DCBLD2: variants seen among roughly 807,000 people sequenced by gnomAD.
DCBLD2 encodes discoidin, CUB and LCCL domain containing 2, also known as discoidin, CUB and LCCL domain-containing protein 2.
DCBLD2 carries 54 observed loss-of-function variants against 86.8 expected under a neutral mutation model. The observed-to-expected ratio is 0.62, with a 90% CI of 0.50 to 0.78. The LOEUF is 0.78. Among genes scored for constraint, DCBLD2 ranks in the 30% least tolerant of loss-of-function variants. DCBLD2 has a pLI of 0.00. For synonymous variants in DCBLD2, 354 were observed against 341.3 expected (o/e 1.04, Z -0.41); for missense variants, 908 against 954.2 (o/e 0.95, Z 0.64).
At chr3:98,864,396 C>T (rs1943102512) in intron 2 of DCBLD2, among the ~76,000 whole-genome samples, 1 of 128,352 alleles carries the variant, frequency 7.8e-6, no homozygotes, top group Admixed American at 8.7e-5. Flanking sequence ...TGTAAAGGCA[C>T]ATGCGCATGT....
At chr3:98,866,551 G>T (rs1404913780) in intron 2 of DCBLD2, among the ~76,000 whole-genome samples, 1 of 152,080 alleles carries the variant, frequency 6.6e-6, no homozygotes, top group African/African-American at 2.4e-5. Flanking sequence ...ACTTGTTGAT[G>T]GGGTTGTTTT....
chr3:98,901,292 C>A lies in DCBLD2; in HGVS notation c.35G>T (p.Cys12Phe), dbSNP rs1409619844. The A allele has an allele frequency of 5.3e-6, 8 of 1,517,856 alleles. No individual in the cohort carries two copies. The East Asian group carries it at 1.7e-4, about 33-fold the overall frequency. 94.0% of individuals were successfully genotyped at this position (1,517,856 alleles called of 1,614,324 possible). ...ASRAVVRARR[C>F]PQCPQVRAAA... is the part of the protein sequence containing the mutation. Reference sequence around the variant, plus strand: ...GGCCCGGACTTGGGGACACTGCGGGCAGCGCCTGGCTCTCACCACCGCCCG... The same window carrying A: ...GGCCCGGACTTGGGGACACTGCGGGAAGCGCCTGGCTCTCACCACCGCCCG... The change falls in exon 1 of 16, where the codon TGC (cysteine) becomes TTC (phenylalanine). Residue 12 changes from cysteine (C) to phenylalanine (F), a missense_variant. By Grantham distance (205) the Cys-to-Phe change is radical (BLOSUM62 -2). Transcript: ENST00000326840.
chr3:98,814,587 T>C (rs905023132), intron 9 of DCBLD2: 3 of 152,154 alleles, frequency 2.0e-5, no homozygotes, highest in Non-Finnish European at 4.4e-5. Context: ...GAAAGTGATA[T>C]ATTATGAAAA....
At chr3:98,881,824 A>G (rs1223045693) in intron 1 of DCBLD2, 57 bp from the exon 2 acceptor site, 3 of 1,522,486 alleles carry the variant, frequency 2.0e-6, no homozygotes, top group Non-Finnish European at 2.7e-6. Context: ...CTTCCTCTAT[A>G]ATGATTTTTT....
chr3:98,898,999 C>A (rs1004496433), intron 1 of DCBLD2, among the ~76,000 whole-genome samples: 4 of 151,582 alleles, frequency 2.6e-5, no homozygotes, highest in Non-Finnish European at 5.9e-5. Context: ...TGCATGCTCA[C>A]CTTAATGATG....
At chr3:98,877,168 A>G (rs1271222053) in intron 2 of DCBLD2, among the ~76,000 whole-genome samples, 1 of 152,226 alleles carries the variant, frequency 6.6e-6, no homozygotes, top group African/African-American at 2.4e-5. Context: ...CAAAAGAGAA[A>G]GAAAACCAAC....
At chr3:98,839,102 C>CTTCTCT (rs1553726957) in intron 3 of DCBLD2, among the ~76,000 whole-genome samples, 1 of 125,944 alleles carries the variant, frequency 7.9e-6, no homozygotes, top group Middle Eastern at 3.8e-3. Context: ...CCTGTGCTCC[C>CTTCTCT]TTCTTTCTTT....
intron 2 of DCBLD2, among the ~76,000 whole-genome samples, chr3:98,855,077 A>G (rs1049234186): frequency 9.9e-5 from 15 of 152,234 alleles, no homozygotes; most frequent in African/African-American, 3.4e-4. Context: ...GCAATGGAGA[A>G]GATACATTTA....
intron 1 of DCBLD2, among the ~76,000 whole-genome samples, chr3:98,887,247 T>C (rs749484375): frequency 6.6e-5 from 10 of 151,934 alleles, no homozygotes; most frequent in Non-Finnish European, 1.2e-4. Context: ...ACTGTCACTT[T>C]GGTCACATAA....
At chr3:98,884,939 G>A (rs1175884567) in intron 1 of DCBLD2, among the ~76,000 whole-genome samples, 1 of 152,074 alleles carries the variant, frequency 6.6e-6, no homozygotes, top group Non-Finnish European at 1.5e-5. Flanking sequence ...AGAGTGTTAG[G>A]AGTAATTTTT....
In DCBLD2 at chr3:98,849,451, T is replaced by C; in HGVS notation, c.571+10A>G. 6.2e-7 allele frequency: 1 copy of C among 1,613,868 alleles called. No homozygotes were observed. On this transcript the variant is annotated intron_variant, in intron 3 of 15. Coordinates refer to ENST00000326840, the MANE Select transcript of DCBLD2 (RefSeq NM_080927.4). ...AAACTGTAGGAACCATTGCAAAAGG[T>C]GAAAATTACCTTGTTTATCTATAAC...
At chr3:98,844,057 C>T (rs905644513) in intron 3 of DCBLD2, among the ~76,000 whole-genome samples, 3 of 151,100 alleles carry the variant, frequency 2.0e-5, no homozygotes, top group Non-Finnish European at 4.4e-5. Flanking sequence ...CACACACACA[C>T]ACACACCCCA....
At chr3:98,870,645 A>G (rs760131599) in intron 2 of DCBLD2, among the ~76,000 whole-genome samples, 1 of 127,068 alleles carries the variant, frequency 7.9e-6, no homozygotes, top group Non-Finnish European at 1.7e-5. Context: ...GGAAGGAAGA[A>G]GAGATAGAGA....
chr3:98,838,848 C>T (rs923075375), intron 3 of DCBLD2, among the ~76,000 whole-genome samples: 21 of 152,184 alleles, frequency 1.4e-4, no homozygotes, highest in South Asian at 4.2e-4. Context: ...GGCTGGAGAC[C>T]GGCCCGGCCA....
At chr3:98,824,627 C>T (rs1197550570) in intron 4 of DCBLD2, among the ~76,000 whole-genome samples, 3 of 152,190 alleles carry the variant, frequency 2.0e-5, no homozygotes, top group Middle Eastern at 3.4e-3. Flanking sequence ...CTGGTAAAAG[C>T]TCTGTGAGCT....
At chr3:98,893,493 G>A (rs758000330) in intron 1 of DCBLD2, among the ~76,000 whole-genome samples, 1 of 151,846 alleles carries the variant, frequency 6.6e-6, no homozygotes, top group Non-Finnish European at 1.5e-5. Flanking sequence ...GACAGTTTCA[G>A]TAAAGCAGAA....
At chr3:98,834,142 C>CTTTTTTTTTTTTTTTTT (rs10588325) in intron 3 of DCBLD2, among the ~76,000 whole-genome samples, 1 of 124,918 alleles carries the variant, frequency 8.0e-6, no homozygotes, top group African/African-American at 2.9e-5. Flanking sequence ...GAGTTGTTTT[C>CTTTTTTTTTTTTTTTTT]TTTTTTTTTT....
chr3:98,884,168 G>T (rs1269880041), intron 1 of DCBLD2, among the ~76,000 whole-genome samples: 1 of 151,876 alleles, frequency 6.6e-6, no homozygotes, highest in Non-Finnish European at 1.5e-5. Context: ...TACTTTTAAA[G>T]GTCAGTACTA....
chr3:98,861,441 T>C (rs142512671), intron 2 of DCBLD2, among the ~76,000 whole-genome samples: 25 of 152,120 alleles, frequency 1.6e-4, no homozygotes, highest in Non-Finnish European at 2.8e-4. Context: ...CAGCACCACA[T>C]TGCACTTATT....
Sources: gnomAD v4.1 joint callset for allele counts (sites outside exome capture counted in the v4.1 genomes callset) on GRCh38, gnomAD v4.1.1 for gene constraint, MANE v1.5 for transcripts, NCBI Gene and HGNC (gene_info 2026-07-23, HGNC 2026-07-21) for gene names.